POF1B: variants seen among roughly 807,000 people sequenced by gnomAD.
The protein encoded by POF1B is POF1B actin binding protein.
In POF1B, 53 loss-of-function variants were observed where a neutral mutation model predicts 55.3. That is an observed-to-expected ratio of 0.96 (90% CI 0.77 to 1.20). The LOEUF (loss-of-function observed/expected upper bound fraction) is 1.20. POF1B is among the 50% of genes most tolerant of loss of function. The pLI is 0.00. For missense variants in POF1B, 478 were observed against 420.5 expected, an observed-to-expected ratio of 1.14 and a Z score of -1.20; for synonymous variants, 188 against 148.3, an observed-to-expected ratio of 1.27 and a Z score of -1.95.
chrX:85,305,909 A>G lies in POF1B; in HGVS notation c.1319T>C (p.Val440Ala). ...CATTGGGCCTGTGCAAGTCTCAGAA[A>G]CCTACAGAAGGCAAAATAACTATCT... ...EQENQNLRMQ[V>A]SETCTGPMLQ... The change falls in exon 13 of 17, where the codon GTT becomes GCT. Residue 440 changes from valine to alanine, a missense_variant and splice_region_variant. Coordinates refer to ENST00000262753, the MANE Select transcript of POF1B (RefSeq NM_024921.4). 1 of 1,207,008 alleles carries G rather than the reference A, an allele frequency of 8.3e-7. No individual in the cohort carries two copies. The highest frequency in any genetic ancestry group is 1.1e-6 in the Non-Finnish European group (1 of 893,424).
intron 15 of POF1B, among the ~76,000 whole-genome samples, chrX:85,286,146 T>A (rs55851546): frequency 0.22 from 23,849 of 110,477 alleles, 2,460 homozygotes; most frequent in African/African-American, 0.4. Context: ...TGAAAGAAGT[T>A]TATATGATAA....
At chrX:85,314,798 C>A (rs186893624) in intron 8 of POF1B, among the ~76,000 whole-genome samples, 1 of 111,733 alleles carries the variant, frequency 8.9e-6, no homozygotes, top group Non-Finnish European at 1.9e-5. Flanking sequence ...AAATTAAAAG[C>A]AAAATGGTCT....
chrX:85,363,035 G>A (rs1933653239), intron 3 of POF1B, among the ~76,000 whole-genome samples: 1 of 111,345 alleles, frequency 9.0e-6, no homozygotes, highest in Admixed American at 9.6e-5. Context: ...TGTATGCATA[G>A]AGGTGTTTGT....
rs184266745 is a variant in POF1B at position 85,300,775 on chromosome X, A to T, written c.1649+2631T>A. Among the ~76,000 whole-genome samples, 3 of 112,171 alleles carry T rather than the reference A, an allele frequency of 2.7e-5. No homozygotes were observed. In the East Asian group the frequency reaches 8.4e-4, roughly 31 times the overall value. ...TGGCTATTTTAAGTATGCTCAAAGAACTAAAGAACTAAAGGAAAGGATGAG... is the reference window on the plus strand; with the variant it reads ...TGGCTATTTTAAGTATGCTCAAAGATCTAAAGAACTAAAGGAAAGGATGAG... On this transcript the variant is annotated intron_variant, in intron 15 of 16. Coordinates refer to ENST00000262753, the MANE Select transcript of POF1B (RefSeq NM_024921.4).
chrX:85,351,073 T>C (rs1210342274), intron 5 of POF1B, among the ~76,000 whole-genome samples: 1 of 111,833 alleles, frequency 8.9e-6, no homozygotes, highest in Admixed American at 9.5e-5. Context: ...GGCATTAGGA[T>C]ATCTTTATTA....
intron 6 of POF1B, among the ~76,000 whole-genome samples, chrX:85,342,338 A>C (rs1461064718): frequency 1.8e-5 from 2 of 111,832 alleles, no homozygotes; most frequent in East Asian, 2.8e-4. Flanking sequence ...AAGGTGATCT[A>C]GTTTCATCTA....
chrX:85,330,365 A>T (rs1331244987), intron 7 of POF1B, among the ~76,000 whole-genome samples: 1 of 111,593 alleles, frequency 9.0e-6, no homozygotes, highest in East Asian at 2.8e-4. Context: ...GACATATCAA[A>T]TATATTTTAA....
At chrX:85,351,743 G>A (rs1431610552) in intron 4 of POF1B, among the ~76,000 whole-genome samples, 2 of 110,959 alleles carry the variant, frequency 1.8e-5, no homozygotes, top group Non-Finnish European at 3.8e-5. Flanking sequence ...TGTTCCTAAA[G>A]CAAGATATGA....
chrX:85,376,754 G>A (rs1440241006), intron 2 of POF1B, among the ~76,000 whole-genome samples: 1 of 111,297 alleles, frequency 9.0e-6, no homozygotes, highest in Non-Finnish European at 1.9e-5. Context: ...AAAATAAAGT[G>A]CTACAGAAAA....
Position 85,379,221 on chromosome X carries a change from G to C in POF1B, c.234C>G (p.Leu78=), listed in dbSNP as rs1274393275. The C allele has an allele frequency of 2.5e-6, 3 of 1,211,037 alleles. No homozygotes were observed. The highest frequency in any genetic ancestry group is 2.2e-5 in the Admixed American group (1 of 45,952). ...PFNSREVLSP[L]KTTSSYQNLV... ...AATTTTGGTAGGAGGAGGTGGTTTT[G>C]AGAGGGGAGAGCACTTCCCGTGAGT... is the stretch of plus-strand genomic sequence containing the variant. The change falls in exon 2 of 17, where the codon CTC becomes CTG. Residue 78 remains leucine, a synonymous_variant. Transcript: ENST00000262753.
chrX:85,310,913 C>T (rs965527334), intron 9 of POF1B, among the ~76,000 whole-genome samples: 1 of 111,397 alleles, frequency 9.0e-6, no homozygotes, highest in African/African-American at 3.3e-5. Context: ...AATCATGAAG[C>T]CCAGAAGGAA....
At chrX:85,301,982 G>T (rs1319429826) in intron 15 of POF1B, among the ~76,000 whole-genome samples, 5 of 111,374 alleles carry the variant, frequency 4.5e-5, no homozygotes, top group African/African-American at 1.6e-4. Context: ...GTAACCAGAA[G>T]ACAGTTTATA....
At chrX:85,330,865 A>T in intron 7 of POF1B, 84 bp downstream of exon 7, 9 of 957,857 alleles carry the variant, frequency 9.4e-6, no homozygotes, top group Non-Finnish European at 1.1e-5. Flanking sequence ...GTGAACCTAA[A>T]ACTGAAGTCT....
chrX:85,278,937 G>A lies in POF1B; in HGVS notation c.*484C>T, dbSNP rs1469017302. Reference sequence around the variant, plus strand: ...CTACTGTGAAAAGCAAATACAGACTGTATATATTATATACTAGCTGTTATT... The same window carrying A: ...CTACTGTGAAAAGCAAATACAGACTATATATATTATATACTAGCTGTTATT... On this transcript the variant is annotated 3_prime_UTR_variant, in exon 17 of 17. Coordinates refer to ENST00000262753, the MANE Select transcript of POF1B (RefSeq NM_024921.4). 1 of 111,604 alleles carries A rather than the reference G, an allele frequency of 9.0e-6. No individual in the cohort carries two copies. The highest frequency in any genetic ancestry group is 3.3e-5 in the African/African-American group (1 of 30,661). 9.2% of individuals were successfully genotyped at this position (111,604 alleles called of 1,213,427 possible).
chrX:85,350,782 A>G (rs960651595), intron 5 of POF1B, among the ~76,000 whole-genome samples: 2 of 111,333 alleles, frequency 1.8e-5, no homozygotes, highest in Non-Finnish European at 3.8e-5. Flanking sequence ...CAAAACCACA[A>G]TGAGGTACCA....
chrX:85,282,204 C>T lies in POF1B; in HGVS notation c.1763G>A (p.Cys588Tyr), dbSNP rs1443521625. 8.4e-7 allele frequency: 1 copy of T among 1,184,230 alleles called. No homozygotes were observed. Among genetic ancestry groups the T allele is most frequent in the Admixed American group, 2.3e-5 (1 of 43,312 alleles). ...CTAAAAATGCCCAAGTGAACTTACA[C>T]AAGTGTATTTGTCTTCTGTTTTCTC... ...VIEKTEDKYT[C>Y]P The change falls in exon 16 of 17, where the codon TGT becomes TAT. Residue 588 changes from cysteine to tyrosine, a missense_variant and splice_region_variant. Coordinates refer to ENST00000262753, the MANE Select transcript of POF1B (RefSeq NM_024921.4).
intron 4 of POF1B, 141 bp downstream of exon 4, chrX:85,359,409 G>A (rs1223670188): frequency 2.2e-6 from 1 of 464,514 alleles, no homozygotes; most frequent in African/African-American, 2.5e-5. Context: ...GGCATTTATT[G>A]ATACTGATAA....
chrX:85,335,320 C>T (rs1156316301), intron 6 of POF1B, among the ~76,000 whole-genome samples: 1 of 111,251 alleles, frequency 9.0e-6, no homozygotes, highest in African/African-American at 3.3e-5. Flanking sequence ...AAGGTTATAA[C>T]GTATAGATTA....
chrX:85,323,778 G>C (rs1438222502), intron 7 of POF1B, among the ~76,000 whole-genome samples: 1 of 110,111 alleles, frequency 9.1e-6, no homozygotes, highest in Non-Finnish European at 1.9e-5. Flanking sequence ...GTTTTCTCTT[G>C]TTTCTATAGT....
Sources: gnomAD v4.1 joint callset for allele counts (sites outside exome capture counted in the v4.1 genomes callset) on GRCh38, gnomAD v4.1.1 for gene constraint, MANE v1.5 for transcripts, NCBI Gene and HGNC (gene_info 2026-07-23, HGNC 2026-07-21) for gene names.